Variants in POMK observed in about 807,000 individuals in gnomAD.
The protein encoded by POMK is Sugen kinase 196.
In POMK, 19 loss-of-function variants were observed where a neutral mutation model predicts 23.0. That is an observed-to-expected ratio of 0.83 (90% CI 0.58 to 1.21). The LOEUF (loss-of-function observed/expected upper bound fraction) is 1.21, where lower values mean the gene tolerates loss of function less well. Ranked by LOEUF, POMK falls within the 50% of genes most tolerant of loss-of-function variation. The pLI is 0.00. For synonymous variants in POMK, 173 were observed against 171.6 expected (o/e 1.01, Z -0.06); for missense variants, 410 against 431.3 (o/e 0.95, Z 0.44).
chr8:43,100,489 G>C (rs956578274), intron 2 of POMK, among the ~76,000 whole-genome samples: 2 of 151,924 alleles, frequency 1.3e-5, no homozygotes, highest in Non-Finnish European at 2.9e-5. Flanking sequence ...GTGGTGATGG[G>C]GGTGTGTATG....
intron 2 of POMK, among the ~76,000 whole-genome samples, chr8:43,099,334 C>T (rs527888232): frequency 6.6e-6 from 1 of 152,322 alleles, no homozygotes; most frequent in Admixed American, 6.5e-5. Flanking sequence ...GTCAAGGAAG[C>T]AAGCCTTGGG....
At position 43,116,762 on chromosome 8, in the gene POMK, A is replaced by T. The variant is rs1168356989; in HGVS notation, c.283-5345A>T. ...TATCATAGTTGGTTAACTGTACTTT[A>T]TATAAGTATTATATACTGTATTCTT... On this transcript the variant is annotated intron_variant, in intron 4 of 4. Transcript: ENST00000331373. Among the ~76,000 whole-genome samples, 8 of 152,378 alleles carry T rather than the reference A, an allele frequency of 5.3e-5. 1 individual carries two copies. The Middle Eastern group carries it at 0.01, about 194-fold the overall frequency.
chr8:43,104,001 G>A (rs1811500077), intron 4 of POMK, among the ~76,000 whole-genome samples, 171 bp downstream of exon 4: 2 of 152,232 alleles, frequency 1.3e-5, no homozygotes, highest in African/African-American at 4.8e-5. Context: ...CTGTATCTTG[G>A]CAATTGTGAA....
At chr8:43,113,143 T>A (rs1811715577) in intron 4 of POMK, among the ~76,000 whole-genome samples, 1 of 152,206 alleles carries the variant, frequency 6.6e-6, no homozygotes, top group Admixed American at 6.5e-5. Flanking sequence ...ATTTCCTGAA[T>A]CTGAAAGTTG....
At chr8:43,119,433 CTTTTTTT>C (rs907663234) in intron 4 of POMK, among the ~76,000 whole-genome samples, 1 of 95,986 alleles carries the variant, frequency 1.0e-5, no homozygotes, top group South Asian at 3.6e-4. Flanking sequence ...TGAAAAACAG[CTTTTTTT>C]TTTTTTTTTT....
chr8:43,103,605 A>G lies in POMK; in HGVS notation c.57A>G (p.Pro19=), dbSNP rs1176964085. ...RRGLAPREVP[P]AVGLLLIMAL... ...GCCTCGCCCCCCGAGAGGTGCCGCC[A>G]GCTGTTGGGCTGCTGCTGATCATGG... Residue 19 remains proline (P), a synonymous_variant, in exon 4 of 5, where the codon CCA becomes CCG. Coordinates refer to ENST00000331373, the MANE Select transcript of POMK (RefSeq NM_032237.5). 1 of 1,613,316 alleles carries G rather than the reference A, an allele frequency of 6.2e-7. No homozygotes were observed. The highest frequency in any genetic ancestry group is 1.3e-5 in the African/African-American group (1 of 74,672).
chr8:43,096,488 C>T (rs147621406), intron 1 of POMK, among the ~76,000 whole-genome samples: 300 of 152,042 alleles, frequency 2.0e-3, no homozygotes, highest in African/African-American at 6.9e-3. Context: ...AGTGAAACTC[C>T]GTCTCTATTA....
At chr8:43,112,238 G>A (rs1038616461) in intron 4 of POMK, among the ~76,000 whole-genome samples, 26 of 152,200 alleles carry the variant, frequency 1.7e-4, no homozygotes, top group Admixed American at 4.6e-4. Context: ...TGAAGGAGCT[G>A]AAAACCACGG....
At chr8:43,097,993 G>C (rs1269746516) in intron 2 of POMK, among the ~76,000 whole-genome samples, 1 of 152,148 alleles carries the variant, frequency 6.6e-6, no homozygotes, top group African/African-American at 2.4e-5. Flanking sequence ...AGGTTACCTG[G>C]GTCTTTGGCA....
At chr8:43,107,925 C>T (rs899558607) in intron 4 of POMK, among the ~76,000 whole-genome samples, 23 of 152,008 alleles carry the variant, frequency 1.5e-4, no homozygotes, top group Admixed American at 3.3e-4. Flanking sequence ...TCAGGCAATC[C>T]GCCTGCCTTG....
intron 4 of POMK, among the ~76,000 whole-genome samples, chr8:43,105,528 C>T (rs935595964): frequency 9.2e-5 from 14 of 152,162 alleles, no homozygotes; most frequent in African/African-American, 3.4e-4. Context: ...TTTTTTATAG[C>T]TGAATAGTAT....
intron 2 of POMK, among the ~76,000 whole-genome samples, chr8:43,098,165 G>A (rs1811372076): frequency 6.6e-6 from 1 of 152,196 alleles, no homozygotes; most frequent in African/African-American, 2.4e-5. Flanking sequence ...ACATTTTAAA[G>A]TGTACAATTC....
chr8:43,113,687 T>G (rs535536056), intron 4 of POMK, among the ~76,000 whole-genome samples: 5 of 152,376 alleles, frequency 3.3e-5, no homozygotes, highest in Admixed American at 2.0e-4. Flanking sequence ...AGAGACGCTC[T>G]GCTTTTTAGA....
intron 2 of POMK, among the ~76,000 whole-genome samples, chr8:43,100,320 G>A (rs537092291): frequency 6.6e-6 from 1 of 152,192 alleles, no homozygotes; most frequent in African/African-American, 2.4e-5. Flanking sequence ...CAGAGCGGGT[G>A]AGGGACCCGT....
intron 2 of POMK, among the ~76,000 whole-genome samples, chr8:43,100,397 A>G (rs1811413967): frequency 6.6e-6 from 1 of 151,888 alleles, no homozygotes; most frequent in Admixed American, 6.6e-5. Flanking sequence ...ATGGCTGGAG[A>G]GAGGCCCAGT....
chr8:43,118,089 C>T (rs1057369235), intron 4 of POMK, among the ~76,000 whole-genome samples: 78 of 152,266 alleles, frequency 5.1e-4, no homozygotes, highest in African/African-American at 1.8e-3. Flanking sequence ...TCTATTTTGA[C>T]AGCATCAATT....
chr8:43,117,407 C>T (rs1237698884), intron 4 of POMK, among the ~76,000 whole-genome samples: 2 of 152,130 alleles, frequency 1.3e-5, no homozygotes, highest in South Asian at 2.1e-4. Flanking sequence ...CCATCGCAAA[C>T]GTCTTTATCC....
intron 4 of POMK, among the ~76,000 whole-genome samples, chr8:43,116,779 T>A (rs1421580941): frequency 1.3e-5 from 2 of 152,232 alleles, no homozygotes; most frequent in African/African-American, 2.4e-5. Flanking sequence ...TATTATATAC[T>A]GTATTCTTCA....
At chr8:43,106,509 C>CTTTT (rs1221471764) in intron 4 of POMK, among the ~76,000 whole-genome samples, 21 of 115,192 alleles carry the variant, frequency 1.8e-4, no homozygotes, top group African/African-American at 2.3e-4. Flanking sequence ...TTTACTTTTG[C>CTTTT]TTTTTTTTTT....
Sources: gnomAD v4.1 joint callset for allele counts (sites outside exome capture counted in the v4.1 genomes callset) on GRCh38, gnomAD v4.1.1 for gene constraint, MANE v1.5 for transcripts, NCBI Gene and HGNC (gene_info 2026-07-23, HGNC 2026-07-21) for gene names.